Variants in MCFD2 observed in about 807,000 individuals in gnomAD.
MCFD2 encodes the protein multiple coagulation factor deficiency 2, ER cargo receptor complex subunit, also known as multiple coagulation factor deficiency protein 2.
A neutral mutation model predicts 12.8 loss-of-function variants in MCFD2; 11 were observed. That is an observed-to-expected ratio of 0.86 (90% CI 0.54 to 1.42). The LOEUF is 1.42. Among genes scored for constraint, MCFD2 ranks in the 40% most tolerant of loss-of-function variants. The pLI is 0.00. For synonymous variants in MCFD2, 70 were observed against 68.1 expected, an observed-to-expected ratio of 1.03 and a Z score of -0.14; for missense variants, 191 against 178.6, an observed-to-expected ratio of 1.07 and a Z score of -0.40.
chr2:46,941,515 A>G lies in MCFD2; in HGVS notation c.-8+57T>C. 6.5e-7 allele frequency: 1 copy of G among 1,547,778 alleles called. No homozygotes were observed. The highest frequency in any genetic ancestry group is 8.7e-7 in the Non-Finnish European group (1 of 1,146,068). On this transcript the variant is annotated intron_variant, in intron 1 of 2. Coordinates refer to the MCFD2 transcript ENST00000409147. This position sits in a 1 kb window ranked among gnomAD's most constrained non-coding sequence, Gnocchi z 4.2. Reference sequence around the variant, plus strand: ...GGCCGGGTCTCCACTTCTTGGCCGCACCTTCCATGACAGCGCCCGCGAGAA... The same window carrying G: ...GGCCGGGTCTCCACTTCTTGGCCGCGCCTTCCATGACAGCGCCCGCGAGAA...
In MCFD2 at chr2:46,941,793, G is replaced by A. The variant is rs1670421263; in HGVS notation, c.-229C>T. The A allele has an allele frequency of 4.6e-6, 7 of 1,537,954 alleles. No individual in the cohort carries two copies. In the South Asian group the frequency reaches 7.2e-5, roughly 16 times the overall value. ...AAACGCACCGCCTCCTCCAGGAAGC[G>A]CGCCCAGACAGTCCTCGGCCGACAG... is the stretch of plus-strand genomic sequence containing the variant. On this transcript the variant is annotated 5_prime_UTR_variant, in exon 1 of 3. Transcript: ENST00000409147. The surrounding 1 kb of genome is among the most constrained non-coding windows in gnomAD (Gnocchi z 4.2).
At chr2:46,927,287 T>A (rs2103825143) in intron 1 of MCFD2, among the ~76,000 whole-genome samples, 1 of 148,674 alleles carries the variant, frequency 6.7e-6, no homozygotes, top group Middle Eastern at 3.5e-3. Context: ...AAACCTAAGC[T>A]AAGCACATTA....
intron 3 of MCFD2, chr2:46,906,097 A>G (rs1668221218): frequency 2.3e-6 from 1 of 443,092 alleles, no homozygotes; most frequent in Non-Finnish European, 4.6e-6. Flanking sequence ...AGTATTTCCC[A>G]TGCTCCAAGA....
intron 1 of MCFD2, among the ~76,000 whole-genome samples, chr2:46,928,287 A>G (rs938954400): frequency 6.6e-6 from 1 of 151,834 alleles, no homozygotes; most frequent in African/African-American, 2.4e-5. Context: ...TAGATCAGAA[A>G]TCTAGGCAGG....
intron 1 of MCFD2, among the ~76,000 whole-genome samples, chr2:46,923,847 C>T (rs1222660651): frequency 3.9e-5 from 6 of 152,114 alleles, no homozygotes; most frequent in African/African-American, 1.4e-4. Context: ...AATCTCTTGC[C>T]TCAGCCTCCA....
intron 1 of MCFD2, among the ~76,000 whole-genome samples, chr2:46,925,431 G>A (rs764952689): frequency 2.0e-5 from 3 of 152,210 alleles, no homozygotes; most frequent in East Asian, 3.9e-4. Flanking sequence ...GGTGGTGGGC[G>A]CTTGTAATCC....
At chr2:46,921,016 C>G (rs1669076414) in intron 1 of MCFD2, among the ~76,000 whole-genome samples, 1 of 151,488 alleles carries the variant, frequency 6.6e-6, no homozygotes. Context: ...TAGAGGGATA[C>G]TTTCTCAGCC....
At chr2:46,939,010 CAAA>C (rs1190579295) in intron 1 of MCFD2, among the ~76,000 whole-genome samples, 6 of 77,014 alleles carry the variant, frequency 7.8e-5, no homozygotes, top group Admixed American at 1.5e-4. Context: ...GACTCTGTCT[CAAA>C]AAAAAAAAAA....
Position 46,908,385 on chromosome 2 carries a change from CA to C in MCFD2, c.150-417del. 3.2e-6 allele frequency: 1 copy of C among 308,990 alleles called. No homozygotes were observed. Among genetic ancestry groups the C allele is most frequent in the East Asian group, 9.0e-5 (1 of 11,150 alleles). The allele number at this position is 308,990 out of a possible 1,614,324, so 19.1% of individuals were successfully genotyped here. On this transcript the variant is annotated intron_variant, in intron 2 of 3. Coordinates refer to ENST00000319466, the MANE Select transcript of MCFD2 (RefSeq NM_139279.6). The surrounding 1 kb of genome is among the most constrained non-coding windows in gnomAD (Gnocchi z 4.5). Reference sequence around the variant, plus strand: ...AGTTGATTCTCCCACTTCAGCCCCCCAAGTAGCTGGGACCATAGGCATGTAC... The same window carrying C: ...AGTTGATTCTCCCACTTCAGCCCCCCAGTAGCTGGGACCATAGGCATGTAC...
rs555775679 is a variant in MCFD2 at position 46,941,045 on chromosome 2, G to C, written c.-8+527C>G. 1.3e-5 allele frequency: 2 copies of C among 151,914 alleles called. No homozygotes were observed. Among genetic ancestry groups the C allele is most frequent in the South Asian group, 3.6e-4 (2 of 5,516 alleles). 9.4% of individuals were successfully genotyped at this position (151,914 alleles called of 1,614,324 possible). A position where few individuals can be genotyped will look rare whatever the true frequency, so the allele number is the denominator to read the frequency against. On this transcript the variant is annotated intron_variant, in intron 1 of 2. Transcript: ENST00000409147. The surrounding 1 kb of genome is among the most constrained non-coding windows in gnomAD (Gnocchi z 4.2). ...AGTGAGCTCCGACTCCGCGGCGGGG[G>C]CGGCGGCGGGGGGCGGGTACCCGGG...
chr2:46,915,744 C>A lies in MCFD2; in HGVS notation c.-28G>T. 1 of 981,096 alleles carries A rather than the reference C, an allele frequency of 1.0e-6. No individual in the cohort carries two copies. 60.8% of individuals were successfully genotyped at this position (981,096 alleles called of 1,614,324 possible). On this transcript the variant is annotated 5_prime_UTR_variant, in exon 1 of 4. Coordinates refer to ENST00000319466, the MANE Select transcript of MCFD2 (RefSeq NM_139279.6). ...TCACCCTTACGGTCTCCGAAGCAGA[C>A]GCGAAGCCCTCCAACGTGAGCCTCA...
Position 46,908,967 on chromosome 2 carries a change from G to C in MCFD2, c.149+56C>G. On this transcript the variant is annotated intron_variant, in intron 2 of 3. Transcript: ENST00000319466. This position sits in a 1 kb window ranked among gnomAD's most constrained non-coding sequence, Gnocchi z 4.5. Reference sequence around the variant, plus strand: ...AGGACTGAGCATGCCCTTGCCGCTGGCTCAGCTGCAGATGATGGGGAGGCC... The same window carrying C: ...AGGACTGAGCATGCCCTTGCCGCTGCCTCAGCTGCAGATGATGGGGAGGCC... 6.2e-7 allele frequency: 1 copy of C among 1,604,228 alleles called. No individual in the cohort carries two copies. The highest frequency in any genetic ancestry group is 8.5e-7 in the Non-Finnish European group (1 of 1,170,980).
upstream of MCFD2, among the ~76,000 whole-genome samples, chr2:46,917,452 T>C (rs1021632140): frequency 1.3e-5 from 2 of 152,206 alleles, no homozygotes; most frequent in African/African-American, 4.8e-5. Flanking sequence ...CTCCCTTTGT[T>C]CATTTATTCA....
intron 1 of MCFD2, among the ~76,000 whole-genome samples, chr2:46,932,701 G>A (rs1165103885): frequency 6.6e-6 from 1 of 151,866 alleles, no homozygotes; most frequent in Non-Finnish European, 1.5e-5. Flanking sequence ...AGGAGTTCGA[G>A]ACCAGTTTGG....
At chr2:46,905,639 G>T in intron 3 of MCFD2, 45 bp from the exon 4 acceptor site, 1 of 1,574,184 alleles carries the variant, frequency 6.4e-7, no homozygotes, top group East Asian at 2.3e-5. Flanking sequence ...CATTTTACCG[G>T]AAGAAGTGCT....
At chr2:46,931,319 C>G (rs934386441) in intron 1 of MCFD2, among the ~76,000 whole-genome samples, 1 of 152,254 alleles carries the variant, frequency 6.6e-6, no homozygotes, top group Non-Finnish European at 1.5e-5. Context: ...CTCCTGGCCT[C>G]AAGCAATCCT....
chr2:46,936,801 A>T (rs1156385882), intron 1 of MCFD2, among the ~76,000 whole-genome samples: 1 of 152,102 alleles, frequency 6.6e-6, no homozygotes, highest in Non-Finnish European at 1.5e-5. Context: ...CCAAACATCC[A>T]GTGGTCTTCT....
At chr2:46,911,588 A>G (rs1284146424) in intron 1 of MCFD2, among the ~76,000 whole-genome samples, 1 of 152,190 alleles carries the variant, frequency 6.6e-6, no homozygotes, top group Non-Finnish European at 1.5e-5. Flanking sequence ...TATTTCCTAC[A>G]CAAACTAATA....
chr2:46,912,052 T>C (rs1668509120), intron 1 of MCFD2, among the ~76,000 whole-genome samples: 1 of 152,162 alleles, frequency 6.6e-6, no homozygotes, highest in South Asian at 2.1e-4. Flanking sequence ...TGCCCAGACC[T>C]TGGCCAGGGA....
Sources: allele counts gnomAD v4.1 joint callset (sites outside exome capture counted in the v4.1 genomes callset), GRCh38; gene constraint gnomAD v4.1.1; non-coding constraint Gnocchi (gnomAD v3.1); transcripts MANE v1.5; gene names NCBI Gene and HGNC (gene_info 2026-07-23, HGNC 2026-07-21).